The following CAMK1D variants were observed in gnomAD, a reference collection of about 807,000 sequenced individuals.
The protein encoded by CAMK1D is calcium/calmodulin dependent protein kinase ID.
A neutral mutation model predicts 47.7 loss-of-function variants in CAMK1D; 9 were observed. The observed-to-expected ratio is 0.19, with a 90% CI of 0.11 to 0.33. CAMK1D has a LOEUF of 0.33. CAMK1D is among the 10% of genes least tolerant of loss of function. The probability of loss-of-function intolerance (pLI) is 1.00; values close to 1 mark genes in which losing one functional copy is unlikely to be tolerated. For missense variants in CAMK1D, 291 were observed against 488.7 expected, an observed-to-expected ratio of 0.60 and a Z score of 3.81; for synonymous variants, 184 against 184.9, an observed-to-expected ratio of 0.99 and a Z score of 0.04.
At chr10:12,540,455 CAT>C (rs529933516) in intron 1 of CAMK1D, among the ~76,000 whole-genome samples, 119 of 152,278 alleles carry the variant, frequency 7.8e-4, no homozygotes, top group African/African-American at 2.8e-3. Context: ...AGTAGGCACT[CAT>C]GTGGAATTTA....
chr10:12,700,885 A>G (rs1231128809), intron 3 of CAMK1D, among the ~76,000 whole-genome samples: 1 of 152,240 alleles, frequency 6.6e-6, no homozygotes, highest in Non-Finnish European at 1.5e-5. Flanking sequence ...AGATCGGTGA[A>G]TAATGAGGAC....
rs968080988 is a variant in CAMK1D at position 12,769,820 on chromosome 10, C to T, written c.565+21C>T. 4.3e-6 allele frequency: 7 copies of T among 1,613,174 alleles called. No homozygotes were observed. In the African/African-American group the frequency reaches 8.0e-5, roughly 18 times the overall value. On this transcript the variant is annotated intron_variant, in intron 5 of 10. Coordinates refer to ENST00000619168, the MANE Select transcript of CAMK1D (RefSeq NM_153498.4). ...TGTCGGTAAGGACAGTGCATGTGCA[C>T]ACATGTGCCCGTGTGTGTGTGATGT...
chr10:12,606,627 C>T (rs1231718696), intron 2 of CAMK1D, among the ~76,000 whole-genome samples: 2 of 152,162 alleles, frequency 1.3e-5, no homozygotes, highest in African/African-American at 4.8e-5. Flanking sequence ...GTGCTCATTT[C>T]TCTCCTGCCG....
chr10:12,732,694 C>A, intron 3 of CAMK1D, among the ~76,000 whole-genome samples: 1 of 150,326 alleles, frequency 6.7e-6, no homozygotes, highest in Non-Finnish European at 1.5e-5. Context: ...CTGTCCCTCC[C>A]ACAACACATG....
Position 12,835,224 on chromosome 10 carries a change from G to C in CAMK1D, c.*6337G>C, listed in dbSNP as rs1833485891. The C allele has an allele frequency of 6.6e-6, 1 of 152,170 alleles. No individual in the cohort carries two copies. The highest frequency in any genetic ancestry group is 1.5e-5 in the Non-Finnish European group (1 of 68,034). The allele number at this position is 152,170 out of a possible 1,614,324, so 9.4% of individuals were successfully genotyped here. A position where few individuals can be genotyped will look rare whatever the true frequency, so the allele number is the denominator to read the frequency against. On this transcript the variant is annotated 3_prime_UTR_variant, in exon 11 of 11. Transcript: ENST00000619168. Reference sequence around the variant, plus strand: ...CTTCTTTCAGCTCCCCCAACAGTGAGCATGCTTCCCAAAAAATTACAACAT... The same window carrying C: ...CTTCTTTCAGCTCCCCCAACAGTGACCATGCTTCCCAAAAAATTACAACAT...
chr10:12,616,837 C>T (rs544176728), intron 2 of CAMK1D, among the ~76,000 whole-genome samples: 1 of 152,274 alleles, frequency 6.6e-6, no homozygotes, highest in Admixed American at 6.5e-5. Flanking sequence ...ATCTTCTCAC[C>T]AGCTAGAGTA....
chr10:12,638,273 G>T lies in CAMK1D; in HGVS notation c.225-28463G>T, dbSNP rs372610086. 4.9e-4 allele frequency among the ~76,000 whole-genome samples: 75 copies of T among 152,196 alleles called. 1 individual carries two copies. In the South Asian group the frequency reaches 0.015, roughly 31 times the overall value. On this transcript the variant is annotated intron_variant, in intron 2 of 10. Transcript: ENST00000619168. ...CCCTCCCAGGTCTCTTTAGCAGCTG[G>T]GCGTGGTCTGGATAAAGTCCATACT...
intron 2 of CAMK1D, among the ~76,000 whole-genome samples, chr10:12,586,434 G>A (rs1032478175): frequency 1.6e-5 from 2 of 122,546 alleles, no homozygotes; most frequent in Non-Finnish European, 3.2e-5. Context: ...GGGCGACAGA[G>A]CAAGACTTCC....
At chr10:12,465,518 C>G (rs756672446) in intron 1 of CAMK1D, among the ~76,000 whole-genome samples, 25 of 152,208 alleles carry the variant, frequency 1.6e-4, no homozygotes, top group Non-Finnish European at 2.9e-4. Context: ...CCACGCCTAT[C>G]TAATTTTTGT....
intron 1 of CAMK1D, among the ~76,000 whole-genome samples, chr10:12,473,381 C>T (rs1833806887): frequency 6.6e-6 from 1 of 152,096 alleles, no homozygotes; most frequent in Non-Finnish European, 1.5e-5. Flanking sequence ...TTGCAGTGAG[C>T]TGAGATCACA....
intron 1 of CAMK1D, among the ~76,000 whole-genome samples, chr10:12,467,327 A>T (rs1328307214): frequency 6.6e-6 from 1 of 152,104 alleles, no homozygotes; most frequent in Non-Finnish European, 1.5e-5. Context: ...TAATTCTTGT[A>T]ATTTTAGTAG....
intron 3 of CAMK1D, among the ~76,000 whole-genome samples, chr10:12,698,672 A>AGTTTTTTTTTTTTTTTTT (rs1209161050): frequency 2.8e-5 from 1 of 35,606 alleles, no homozygotes; most frequent in African/African-American, 8.0e-5. Context: ...CCCTTTAAAG[A>AGTTTTTTTTTTTTTTTTT]ATTTTTTTTT....
At chr10:12,681,003 G>C (rs576352662) in intron 3 of CAMK1D, among the ~76,000 whole-genome samples, 9 of 152,082 alleles carry the variant, frequency 5.9e-5, no homozygotes, top group Non-Finnish European at 1.2e-4. Context: ...TTACATTGAC[G>C]GCTTTGGTGG....
At chr10:12,661,290 A>G (rs1564474048) in intron 2 of CAMK1D, among the ~76,000 whole-genome samples, 1 of 152,226 alleles carries the variant, frequency 6.6e-6, no homozygotes, top group Admixed American at 6.5e-5. Context: ...CTGAATTTAT[A>G]TGAGCTCTTG....
intron 1 of CAMK1D, among the ~76,000 whole-genome samples, chr10:12,509,046 G>A (rs907167724): frequency 6.6e-6 from 1 of 152,140 alleles, no homozygotes; most frequent in Non-Finnish European, 1.5e-5. Context: ...GGGGATGTGG[G>A]GACAGAGTCT....
intron 1 of CAMK1D, among the ~76,000 whole-genome samples, chr10:12,399,099 A>G (rs1251067231): frequency 6.6e-6 from 1 of 152,140 alleles, no homozygotes; most frequent in Non-Finnish European, 1.5e-5. Flanking sequence ...TGGTATTGAA[A>G]TATGCATAGA....
intron 2 of CAMK1D, among the ~76,000 whole-genome samples, chr10:12,659,994 T>A (rs1840230117): frequency 6.6e-6 from 1 of 152,188 alleles, no homozygotes; most frequent in Non-Finnish European, 1.5e-5. Flanking sequence ...CACCTCATCC[T>A]CTCTTATAAT....
At chr10:12,374,089 G>A (rs1027503172) in intron 1 of CAMK1D, among the ~76,000 whole-genome samples, 17 of 150,734 alleles carry the variant, frequency 1.1e-4, no homozygotes, top group Middle Eastern at 6.8e-3. Flanking sequence ...GTGAAACCCC[G>A]TCTCTACTAA....
chr10:12,448,787 C>A (rs2768451), intron 1 of CAMK1D, among the ~76,000 whole-genome samples: 1 of 152,068 alleles, frequency 6.6e-6, no homozygotes, highest in African/African-American at 2.4e-5. Flanking sequence ...CCATTCCTCC[C>A]GGTGAAAAAC....
Sources: gnomAD v4.1 joint callset for allele counts (sites outside exome capture counted in the v4.1 genomes callset) on GRCh38, gnomAD v4.1.1 for gene constraint, MANE v1.5 for transcripts, NCBI Gene and HGNC (gene_info 2026-07-23, HGNC 2026-07-21) for gene names.